Variants in LRP5 observed in about 807,000 individuals in gnomAD.
The protein encoded by LRP5 is low-density lipoprotein receptor-related protein 5.
LRP5 carries 62 observed loss-of-function variants against 154.1 expected under a neutral mutation model. The ratio of observed to expected loss-of-function variants is 0.40; its 90% CI spans 0.33 to 0.50. The LOEUF (loss-of-function observed/expected upper bound fraction) is 0.50, where lower values mean the gene tolerates loss of function less well. LRP5 is among the 20% of genes least tolerant of loss of function. LRP5 has a pLI of 0.55. For missense variants in LRP5, 1,915 were observed against 2,336.7 expected (o/e 0.82, Z 3.72); for synonymous variants, 966 against 1,011.5 (o/e 0.96, Z 0.85).
At position 68,357,875 on chromosome 11, in the gene LRP5, C is replaced by T. The variant is rs745642305; in HGVS notation, c.686+28C>T. The T allele has an allele frequency of 7.6e-6, 12 of 1,584,838 alleles. No individual in the cohort carries two copies. In the South Asian group the frequency reaches 1.4e-4, roughly 18 times the overall value. ...AGGTACCCACGCAGTCCTGGGGCAC[C>T]CCTTTCCCCTTTGTCCCCAGGGCTT... On this transcript the variant is annotated intron_variant, in intron 3 of 22. Coordinates refer to ENST00000294304, the MANE Select transcript of LRP5 (RefSeq NM_002335.4).
chr11:68,378,782 A>G (rs1044374721), intron 5 of LRP5, among the ~76,000 whole-genome samples: 2 of 152,134 alleles, frequency 1.3e-5, no homozygotes, highest in African/African-American at 4.8e-5. Context: ...TCACACCTGT[A>G]ATCCCAACAC....
intron 1 of LRP5, among the ~76,000 whole-genome samples, chr11:68,314,083 T>G (rs914580861): frequency 3.3e-5 from 5 of 152,072 alleles, no homozygotes; most frequent in Admixed American, 6.5e-5. Flanking sequence ...CAAAACAAGG[T>G]GAAGACAAAA....
chr11:68,405,519 C>T (rs188010892), intron 8 of LRP5, among the ~76,000 whole-genome samples: 83 of 148,208 alleles, frequency 5.6e-4, no homozygotes, highest in African/African-American at 1.9e-3. Flanking sequence ...GAAGGTGAGA[C>T]TGACCTGTGA....
chr11:68,364,302 A>G (rs551008883), intron 4 of LRP5, among the ~76,000 whole-genome samples: 110 of 151,848 alleles, frequency 7.2e-4, no homozygotes, highest in African/African-American at 2.4e-3. Flanking sequence ...ATGTATTTAT[A>G]TACACATACA....
chr11:68,336,709 T>C (rs1253767476), intron 1 of LRP5, among the ~76,000 whole-genome samples: 1 of 152,254 alleles, frequency 6.6e-6, no homozygotes, highest in Non-Finnish European at 1.5e-5. Context: ...CCTCAGGTGA[T>C]CTGCCTGCCT....
At chr11:68,401,366 G>T (rs2098652547) in intron 7 of LRP5, among the ~76,000 whole-genome samples, 1 of 152,194 alleles carries the variant, frequency 6.6e-6, no homozygotes, top group South Asian at 2.1e-4. Flanking sequence ...AGGCACGGTC[G>T]CAGGGGCTGG....
intron 19 of LRP5, among the ~76,000 whole-genome samples, chr11:68,438,167 G>A (rs1294960183): frequency 6.6e-6 from 1 of 152,210 alleles, no homozygotes; most frequent in Non-Finnish European, 1.5e-5. Flanking sequence ...GCGAAGGAGT[G>A]AATACCAGGC....
In LRP5 at chr11:68,416,317, G is replaced by A. The variant is rs576207211; in HGVS notation, c.2828-11G>A. 3.7e-5 allele frequency: 60 copies of A among 1,613,444 alleles called. No individual in the cohort carries two copies. In the South Asian group the frequency reaches 6.6e-4, roughly 18 times the overall value. On this transcript the variant is annotated splice_polypyrimidine_tract_variant and intron_variant, in intron 12 of 22. Coordinates refer to ENST00000294304, the MANE Select transcript of LRP5 (RefSeq NM_002335.4). ...GACACCCACCTGCAGCCCTGTCTTT[G>A]CCTCCTCTAGCGCCCACCACCTTCT...
At chr11:68,299,377 C>G in the LRP5 span, among the ~76,000 whole-genome samples, 24 of 152,144 alleles carry the variant, frequency 1.6e-4, no homozygotes, top group Non-Finnish European at 3.1e-4. Flanking sequence ...GTGCTGAAGG[C>G]TGCAGAATCT....
At chr11:68,368,184 C>T (rs73513048) in intron 5 of LRP5, among the ~76,000 whole-genome samples, 3,798 of 152,168 alleles carry the variant, frequency 0.025, 143 homozygotes, top group African/African-American at 0.084. Context: ...GTTAATGAGA[C>T]GGGCCTGTTC....
rs547911706 is a variant in LRP5 at position 68,395,027 on chromosome 11, G to A, written c.1584+4975G>A. On this transcript the variant is annotated intron_variant, in intron 7 of 22. Transcript: ENST00000294304. Reference sequence around the variant, plus strand: ...TTGAGAGCAACCGAGGTGGCTGGGCGTGGTGGCTTACGCCTGTAATCCCAA... The same window carrying A: ...TTGAGAGCAACCGAGGTGGCTGGGCATGGTGGCTTACGCCTGTAATCCCAA... 3.3e-5 allele frequency among the ~76,000 whole-genome samples: 5 copies of A among 152,326 alleles called. No homozygotes were observed. The East Asian group carries it at 5.8e-4, about 18-fold the overall frequency.
intron 9 of LRP5, among the ~76,000 whole-genome samples, chr11:68,407,842 C>T (rs916597024): frequency 6.6e-6 from 1 of 151,740 alleles, no homozygotes; most frequent in Non-Finnish European, 1.5e-5. Context: ...AGTGAAACTC[C>T]GTCTCAGAAA....
intron 5 of LRP5, among the ~76,000 whole-genome samples, chr11:68,383,770 TG>T (rs763570816): frequency 3.9e-5 from 6 of 152,146 alleles, no homozygotes; most frequent in Non-Finnish European, 7.4e-5. Flanking sequence ...CACTGGGGTG[TG>T]GGGAGGAACA....
intron 21 of LRP5, among the ~76,000 whole-genome samples, chr11:68,441,892 T>C (rs1425244789): frequency 6.6e-6 from 1 of 152,232 alleles, no homozygotes; most frequent in Non-Finnish European, 1.5e-5. Context: ...AAGCCAGCTG[T>C]TTTTAAATTA....
intron 22 of LRP5, among the ~76,000 whole-genome samples, chr11:68,446,820 C>T (rs532349173): frequency 5.6e-4 from 85 of 152,264 alleles, no homozygotes; most frequent in African/African-American, 2.0e-3. Flanking sequence ...ATGGCTGTGG[C>T]GTCGAGGGGC....
At chr11:68,301,443 C>T in the LRP5 span, among the ~76,000 whole-genome samples, 1 of 147,446 alleles carries the variant, frequency 6.8e-6, no homozygotes, top group Admixed American at 6.8e-5. Flanking sequence ...CCACTGCACT[C>T]CAGCCTGGGC....
chr11:68,382,344 AC>A (rs1159906521), intron 5 of LRP5, among the ~76,000 whole-genome samples: 3 of 151,428 alleles, frequency 2.0e-5, no homozygotes, highest in Non-Finnish European at 4.4e-5. Flanking sequence ...CATTTGGGAC[AC>A]CCCGCCAGAA....
intron 13 of LRP5, among the ~76,000 whole-genome samples, chr11:68,422,918 C>T (rs1184931186): frequency 2.0e-5 from 3 of 152,084 alleles, no homozygotes; most frequent in African/African-American, 7.2e-5. Context: ...CCTGCCCTCC[C>T]CTCACCTGGC....
In LRP5 at chr11:68,438,665, A is replaced by C; in HGVS notation, c.4331A>C (p.Gln1444Pro). 6.2e-7 allele frequency: 1 copy of C among 1,612,896 alleles called. No homozygotes were observed. The highest frequency in any genetic ancestry group is 8.5e-7 in the Non-Finnish European group (1 of 1,179,982). The change falls in exon 20 of 23, where the codon CAG becomes CCG. Residue 1444 changes from glutamine (Q) to proline (P), a missense_variant. Physicochemically the swap from Gln to Pro is moderately conservative, Grantham distance 76. Around this residue, in one of 3 missense-constraint regions of LRP5, gnomAD observed 1,094 missense variants for 1,210.1 expected, o/e 0.90. Coordinates refer to ENST00000294304, the MANE Select transcript of LRP5 (RefSeq NM_002335.4). ...PLNFIAPGGS[Q>P]HGPFTGIACG... is the part of the protein sequence containing the mutation. Reference sequence around the variant, plus strand: ...AATTTCATAGCCCCGGGCGGTTCCCAGCATGGCCCCTTCACAGGTAAGGAG... The same window carrying C: ...AATTTCATAGCCCCGGGCGGTTCCCCGCATGGCCCCTTCACAGGTAAGGAG...
Sources: gnomAD v4.1 joint callset for allele counts (sites outside exome capture counted in the v4.1 genomes callset) on GRCh38, gnomAD v4.1.1 for gene constraint, gnomAD v4.1.1 regional missense constraint, MANE v1.5 for transcripts, NCBI Gene and HGNC (gene_info 2026-07-23, HGNC 2026-07-21) for gene names.